Variants in NFIC observed in about 807,000 individuals in gnomAD.
The protein encoded by NFIC is nuclear factor 1 C-type.
A neutral mutation model predicts 54.4 loss-of-function variants in NFIC; 12 were observed. That is an observed-to-expected ratio of 0.22 (90% CI 0.14 to 0.36). The LOEUF (loss-of-function observed/expected upper bound fraction) is 0.36, where lower values mean the gene tolerates loss of function less well. Among genes scored for constraint, NFIC ranks in the 10% least tolerant of loss-of-function variants. The pLI, the probability that NFIC is intolerant of heterozygous loss-of-function variation, is 1.00. For synonymous variants in NFIC, 322 were observed against 319.2 expected, an observed-to-expected ratio of 1.01 and a Z score of -0.09; for missense variants, 575 against 718.2, an observed-to-expected ratio of 0.80 and a Z score of 2.28.
chr19:3,436,074 C>T (rs976302977), intron 6 of NFIC, among the ~76,000 whole-genome samples: 3 of 151,040 alleles, frequency 2.0e-5, no homozygotes, highest in Admixed American at 6.6e-5. Flanking sequence ...GTGATTCGCC[C>T]GCCTCGGCCT....
At chr19:3,368,548 A>T (rs2080938172) in intron 1 of NFIC, among the ~76,000 whole-genome samples, 1 of 152,198 alleles carries the variant, frequency 6.6e-6, no homozygotes, top group Admixed American at 6.5e-5. Context: ...AGAGAGACAG[A>T]GGCAGAGAGC....
chr19:3,432,526 A>G (rs966650486), intron 3 of NFIC, among the ~76,000 whole-genome samples: 3 of 151,844 alleles, frequency 2.0e-5, no homozygotes, highest in African/African-American at 7.2e-5. Context: ...TACAGATCTC[A>G]CGACAACCCC....
chr19:3,367,162 AC>A (rs1448636999), intron 1 of NFIC, among the ~76,000 whole-genome samples: 1 of 151,584 alleles, frequency 6.6e-6, no homozygotes, highest in Non-Finnish European at 1.5e-5. Context: ...GTGTCCCCCC[AC>A]CAAGGTTGTG....
intron 2 of NFIC, among the ~76,000 whole-genome samples, chr19:3,397,688 A>C (rs2081486942): frequency 6.7e-6 from 1 of 150,264 alleles, no homozygotes; most frequent in South Asian, 2.1e-4. Context: ...GCAACGGGGC[A>C]GCTGAATGGG....
At chr19:3,405,148 G>A (rs890921623) in intron 2 of NFIC, among the ~76,000 whole-genome samples, 1 of 152,238 alleles carries the variant, frequency 6.6e-6, no homozygotes, top group East Asian at 1.9e-4. Flanking sequence ...CAGGCGGCCC[G>A]GCGGCAGGGG....
At chr19:3,372,602 A>C (rs2081038708) in intron 1 of NFIC, among the ~76,000 whole-genome samples, 1 of 152,146 alleles carries the variant, frequency 6.6e-6, no homozygotes, top group Non-Finnish European at 1.5e-5. Flanking sequence ...CTCGGGGATC[A>C]AACAAGGGGA....
chr19:3,442,189 C>T (rs776001577), intron 6 of NFIC, among the ~76,000 whole-genome samples: 3 of 152,176 alleles, frequency 2.0e-5, no homozygotes, highest in Non-Finnish European at 4.4e-5. Flanking sequence ...CACCCGAGGC[C>T]TCCCTGCTTA....
intron 3 of NFIC, among the ~76,000 whole-genome samples, chr19:3,425,662 G>T (rs976045185): frequency 1.3e-5 from 2 of 152,050 alleles, no homozygotes; most frequent in Non-Finnish European, 2.9e-5. Context: ...GTTTCACCAT[G>T]TTGGCCAGGT....
intron 3 of NFIC, among the ~76,000 whole-genome samples, chr19:3,432,350 G>A (rs1306464741): frequency 2.6e-5 from 4 of 152,160 alleles, no homozygotes; most frequent in Non-Finnish European, 5.9e-5. Context: ...CCATTGCTGG[G>A]TGCCAAGCTC....
chr19:3,405,575 A>G (rs899703494), intron 2 of NFIC, among the ~76,000 whole-genome samples: 3 of 151,906 alleles, frequency 2.0e-5, no homozygotes, highest in African/African-American at 7.3e-5. Flanking sequence ...ATTCCTTTCT[A>G]TTTTTATTTA....
In NFIC at chr19:3,465,151, TAAAAAAAAAA is replaced by T. The variant is rs59668846; in HGVS notation, c.*2396_*2405del. The T allele has an allele frequency of 1.0e-4, 7 of 68,060 alleles. No individual in the cohort carries two copies. Among genetic ancestry groups the T allele is most frequent in the Middle Eastern group, 0.012 (1 of 82 alleles). 4.2% of individuals were successfully genotyped at this position (68,060 alleles called of 1,614,324 possible). ...CCCCCTCCACCCCCCACTTCCTCTTTAAAAAAAAAAAAAAAAAAAAAAAGATACAAGAAAA... is the reference window on the plus strand; with the variant it reads ...CCCCCTCCACCCCCCACTTCCTCTTTAAAAAAAAAAAAAGATACAAGAAAA... On this transcript the variant is annotated 3_prime_UTR_variant, in exon 11 of 11. Coordinates refer to ENST00000443272, the MANE Select transcript of NFIC (RefSeq NM_001245002.2).
chr19:3,366,508 G>A (rs1568394509), upstream of NFIC: 3 of 464,268 alleles, frequency 6.5e-6, no homozygotes, highest in South Asian at 2.6e-5. Flanking sequence ...GGAGGAGGCG[G>A]CGAGGAGAGC....
intron 7 of NFIC, among the ~76,000 whole-genome samples, chr19:3,450,357 AG>A (rs997617851): frequency 6.0e-5 from 1 of 16,624 alleles, no homozygotes; most frequent in Non-Finnish European, 1.4e-4. Context: ...AAAAAAAAAA[AG>A]AGACATCTCC....
intron 2 of NFIC, among the ~76,000 whole-genome samples, chr19:3,387,021 C>A (rs1188148821): frequency 2.0e-5 from 3 of 152,188 alleles, no homozygotes; most frequent in African/African-American, 7.2e-5. Flanking sequence ...GCGTCCTGGC[C>A]CAGCCAGAGT....
At chr19:3,454,300 G>A (rs1220382930) in intron 9 of NFIC, 8 of 1,034,528 alleles carry the variant, frequency 7.7e-6, no homozygotes, top group Non-Finnish European at 9.4e-6. Flanking sequence ...TTTGTTTGTG[G>A]AGAAAGAGAA....
chr19:3,434,382 C>T lies in NFIC; in HGVS notation c.815C>T (p.Pro272Leu), dbSNP rs368371894. ...AGCACTGGCCTCAGAAGAACGCTGCCCAGCACCTCCTCCAGTGGGTAAGTA... is the reference window on the plus strand; with the variant it reads ...AGCACTGGCCTCAGAAGAACGCTGCTCAGCACCTCCTCCAGTGGGTAAGTA... ...PASTGLRRTL[P>L]STSSSGSKRH... Residue 272 changes from proline (P) to leucine (L), a missense_variant, in exon 5 of 11, where the codon CCC (proline) becomes CTC (leucine). By Grantham distance (98) the Pro-to-Leu change is moderately conservative. Coordinates refer to ENST00000443272, the MANE Select transcript of NFIC (RefSeq NM_001245002.2). 2 of 1,609,238 alleles carry T rather than the reference C, an allele frequency of 1.2e-6. No individual in the cohort carries two copies. Among genetic ancestry groups the T allele is most frequent in the African/African-American group, 2.7e-5 (2 of 74,764 alleles).
intron 10 of NFIC, chr19:3,456,886 C>T (rs2082567897): frequency 1.8e-6 from 1 of 554,814 alleles, no homozygotes. Context: ...AGGAGCGTCT[C>T]TGGAGACCAT....
At position 3,453,033 on chromosome 19, in the gene NFIC, A is replaced by T. The variant is rs2145684629; in HGVS notation, c.1269+367A>T. ...GGAGGATTGCATAAGCCCAGAGTTC[A>T]AGACCAACCTGGGCAGCATAGCGTG... On this transcript the variant is annotated intron_variant, in intron 8 of 10. Transcript: ENST00000443272. This position sits in a 1 kb window ranked among gnomAD's most constrained non-coding sequence, Gnocchi z 6.7. Among the ~76,000 whole-genome samples the T allele has an allele frequency of 6.6e-6, 1 of 152,336 alleles. No homozygotes were observed. The highest frequency in any genetic ancestry group is 1.5e-5 in the Non-Finnish European group (1 of 68,040).
intron 2 of NFIC, among the ~76,000 whole-genome samples, chr19:3,415,041 T>C (rs1432753917): frequency 6.6e-6 from 1 of 152,104 alleles, no homozygotes; most frequent in African/African-American, 2.4e-5. Context: ...GGTTTCTCCA[T>C]GTTGGCCAGG....
Sources: allele counts gnomAD v4.1 joint callset (sites outside exome capture counted in the v4.1 genomes callset), GRCh38; gene constraint gnomAD v4.1.1; non-coding constraint Gnocchi (gnomAD v3.1); transcripts MANE v1.5; gene names NCBI Gene and HGNC (gene_info 2026-07-23, HGNC 2026-07-21).